Variants in DNMBP observed in about 807,000 individuals in gnomAD.
DNMBP encodes the protein dynamin-binding protein.
A neutral mutation model predicts 150.0 loss-of-function variants in DNMBP; 87 were observed. The ratio of observed to expected loss-of-function variants is 0.58; its 90% confidence interval spans 0.49 to 0.69. The LOEUF (loss-of-function observed/expected upper bound fraction) is 0.69, where lower values mean the gene tolerates loss of function less well. Ranked by LOEUF, DNMBP falls within the 30% of genes least tolerant of loss-of-function variation. The pLI, the probability that DNMBP is intolerant of heterozygous loss-of-function variation, is 0.00. For missense variants in DNMBP, 1,774 were observed against 1,949.0 expected (o/e 0.91, Z 1.69); for synonymous variants, 711 against 750.4 (o/e 0.95, Z 0.86).
At chr10:99,891,092 T>C (rs1013414001) in intron 11 of DNMBP, among the ~76,000 whole-genome samples, 2 of 152,128 alleles carry the variant, frequency 1.3e-5, no homozygotes, top group Non-Finnish European at 2.9e-5. Context: ...TGATTTAATC[T>C]TAAAACTTAA....
At chr10:99,976,988 T>G (rs181350189) in intron 1 of DNMBP, among the ~76,000 whole-genome samples, 94 of 152,292 alleles carry the variant, frequency 6.2e-4, no homozygotes, top group African/African-American at 2.2e-3. Context: ...CCCCATATAA[T>G]TACTTAGAGA....
intron 16 of DNMBP, among the ~76,000 whole-genome samples, chr10:99,878,456 A>G (rs564763834): frequency 5.3e-5 from 8 of 152,322 alleles, no homozygotes; most frequent in African/African-American, 1.7e-4. Context: ...TGATGTGTCT[A>G]TAATAACTGT....
In DNMBP at chr10:99,886,442, G is replaced by C; in HGVS notation, c.3476C>G (p.Ala1159Gly). 6.2e-7 allele frequency: 1 copy of C among 1,614,132 alleles called. No homozygotes were observed. Among genetic ancestry groups the C allele is most frequent in the East Asian group, 2.2e-5 (1 of 44,870 alleles). ...ELQSARNNYEALNAQLLDELP... is the reference protein window; with the variant it reads ...ELQSARNNYEGLNAQLLDELP... ...CTCATCCAGCAGCTGTGCATTCAGG[G>C]CCTCATAGTTGTTCCGGGCCGACTG... Residue 1159 changes from alanine to glycine, a missense_variant, in exon 13 of 17, where the codon GCC (alanine) becomes GGC (glycine). By Grantham distance (60) the Ala-to-Gly change is moderately conservative. Coordinates refer to ENST00000324109, the MANE Select transcript of DNMBP (RefSeq NM_015221.4).
chr10:99,920,033 T>TA (rs1476139510), intron 4 of DNMBP, among the ~76,000 whole-genome samples: 1 of 151,886 alleles, frequency 6.6e-6, no homozygotes, highest in Non-Finnish European at 1.5e-5. Flanking sequence ...TTTATTTATT[T>TA]AAAAGGGTGA....
chr10:99,878,892 C>T (rs1036900192), intron 16 of DNMBP, among the ~76,000 whole-genome samples: 8 of 151,766 alleles, frequency 5.3e-5, no homozygotes, highest in African/African-American at 1.9e-4. Flanking sequence ...ATTGGGAGGC[C>T]AAGGCAGGCA....
intron 12 of DNMBP, 133 bp from the exon 13 acceptor site, chr10:99,886,765 T>A: frequency 4.2e-6 from 3 of 719,438 alleles, no homozygotes; most frequent in Non-Finnish European, 6.8e-6. Flanking sequence ...GCTAAACCCA[T>A]ACAGATCTAC....
intron 5 of DNMBP, among the ~76,000 whole-genome samples, chr10:99,908,709 G>C (rs1361990831): frequency 6.6e-6 from 1 of 152,190 alleles, no homozygotes; most frequent in African/African-American, 2.4e-5. Flanking sequence ...CACAGAAACA[G>C]GAAGTGTCCT....
intron 10 of DNMBP, 33 bp downstream of exon 10, chr10:99,896,234 G>A (rs1192789706): frequency 6.2e-7 from 1 of 1,608,526 alleles, no homozygotes; most frequent in Non-Finnish European, 8.5e-7. Flanking sequence ...AGCTGTCAAA[G>A]ATGCGCTAAG....
intron 4 of DNMBP, among the ~76,000 whole-genome samples, 153 bp downstream of exon 4, chr10:99,955,060 GA>G (rs371096393): frequency 3.7e-4 from 47 of 128,250 alleles, no homozygotes; most frequent in Middle Eastern, 3.9e-3. Context: ...CAAAAAAAAG[GA>G]AAAAAAAAAA....
intron 4 of DNMBP, among the ~76,000 whole-genome samples, chr10:99,918,653 G>A (rs367903397): frequency 6.1e-5 from 9 of 146,656 alleles, no homozygotes; most frequent in African/African-American, 7.7e-5. Context: ...TGCAACCTCC[G>A]CCTCCCAGGT....
chr10:99,897,135 T>G (rs1407952875), intron 9 of DNMBP, among the ~76,000 whole-genome samples: 1 of 152,222 alleles, frequency 6.6e-6, no homozygotes, highest in South Asian at 2.1e-4. Flanking sequence ...AAGGTTACAC[T>G]GTATTATATC....
chr10:99,915,048 C>T (rs934865744), intron 4 of DNMBP, among the ~76,000 whole-genome samples: 8 of 143,006 alleles, frequency 5.6e-5, no homozygotes, highest in South Asian at 4.4e-4. Context: ...GAGCCGAGAT[C>T]GTACCATTGC....
chr10:99,890,644 C>T (rs1445907424), intron 11 of DNMBP, among the ~76,000 whole-genome samples: 1 of 152,094 alleles, frequency 6.6e-6, no homozygotes, highest in East Asian at 1.9e-4. Context: ...GTAGCTGCCC[C>T]AATTGTGTGT....
rs1337056300 is a variant in DNMBP at position 99,955,929 on chromosome 10, G to A, written c.1545C>T (p.Tyr515=). 2.5e-6 allele frequency: 4 copies of A among 1,614,080 alleles called. No individual in the cohort carries two copies. Among genetic ancestry groups the A allele is most frequent in the Admixed American group, 1.7e-5 (1 of 60,004 alleles). The change falls in exon 4 of 17, where the codon TAC becomes TAT. Residue 515 remains tyrosine, a synonymous_variant. Transcript: ENST00000324109. ...YTKKHHTSSV[Y]SISERLEMKP... is the part of the protein sequence containing the mutation. ...TCATCTCCAATCTCTCTGAGATGGA[G>A]TAAACACTGGACGTGTGGTGCTTTT...
chr10:99,910,489 G>A (rs1334597517), intron 4 of DNMBP, among the ~76,000 whole-genome samples: 2 of 152,226 alleles, frequency 1.3e-5, no homozygotes, highest in African/African-American at 2.4e-5. Flanking sequence ...GCAGCGACAC[G>A]AGATAGTGCC....
At chr10:99,962,607 G>A (rs746662191) in intron 3 of DNMBP, among the ~76,000 whole-genome samples, 62 of 151,906 alleles carry the variant, frequency 4.1e-4, no homozygotes, top group African/African-American at 1.1e-3. Context: ...CTCCAGCCTG[G>A]GCGATAGAGC....
chr10:99,992,738 G>A lies in DNMBP; in HGVS notation c.-11+17100C>T, dbSNP rs113080995. ...AGATGGGGTTTCACCGTGTTAGCCA[G>A]GATGGTCTCGATCTCATGACCTCGT... is the stretch of plus-strand genomic sequence containing the variant. On this transcript the variant is annotated intron_variant, in intron 1 of 16. Transcript: ENST00000324109. Among the ~76,000 whole-genome samples the A allele has an allele frequency of 6.6e-3, 1,007 of 152,218 alleles. 11 individuals carry two copies. Among genetic ancestry groups the A allele is most frequent in the African/African-American group, 0.023 (966 of 41,532 alleles).
At chr10:99,882,612 T>C (rs933315904) in intron 15 of DNMBP, among the ~76,000 whole-genome samples, 1 of 151,736 alleles carries the variant, frequency 6.6e-6, no homozygotes, top group African/African-American at 2.4e-5. Context: ...CCCATAGATA[T>C]GAACAAGTAT....
At chr10:99,898,804 A>G in intron 7 of DNMBP, 44 bp from the exon 8 acceptor site, 1 of 1,574,522 alleles carries the variant, frequency 6.4e-7, no homozygotes, top group Non-Finnish European at 8.7e-7. Context: ...AGTTTATTAG[A>G]GAGAGAATCT....
Sources: gnomAD v4.1 joint callset for allele counts (sites outside exome capture counted in the v4.1 genomes callset) on GRCh38, gnomAD v4.1.1 for gene constraint, MANE v1.5 for transcripts, NCBI Gene and HGNC (gene_info 2026-07-23, HGNC 2026-07-21) for gene names.